The following DIP2B variants were observed in gnomAD, a reference collection of about 807,000 sequenced individuals.
The protein encoded by DIP2B is DIP2 acetate--CoA ligase B (putative).
A neutral mutation model predicts 198.0 loss-of-function variants in DIP2B; 76 were observed. That is an observed-to-expected ratio of 0.38 (90% CI 0.32 to 0.46). The LOEUF (loss-of-function observed/expected upper bound fraction) is 0.46, where lower values mean the gene tolerates loss of function less well. Among genes scored for constraint, DIP2B ranks in the 20% least tolerant of loss-of-function variants. The pLI is 0.99. For synonymous variants in DIP2B, 701 were observed against 739.1 expected, an observed-to-expected ratio of 0.95 and a Z score of 0.84; for missense variants, 1,559 against 1,978.4, an observed-to-expected ratio of 0.79 and a Z score of 4.02.
intron 1 of DIP2B, among the ~76,000 whole-genome samples, chr12:50,544,896 C>T (rs1036047993): frequency 2.0e-5 from 3 of 152,102 alleles, no homozygotes; most frequent in East Asian, 3.9e-4. Flanking sequence ...GGATTACAGG[C>T]GTGAGCCACC....
chr12:50,536,519 G>A (rs1958268840), intron 1 of DIP2B, among the ~76,000 whole-genome samples: 1 of 151,702 alleles, frequency 6.6e-6, no homozygotes, highest in Non-Finnish European at 1.5e-5. Flanking sequence ...TCAGTCAAAA[G>A]TTACATGTTG....
intron 1 of DIP2B, among the ~76,000 whole-genome samples, chr12:50,565,849 C>T (rs1958559027): frequency 6.6e-6 from 1 of 152,028 alleles, no homozygotes; most frequent in Non-Finnish European, 1.5e-5. Context: ...TTGATTTACC[C>T]CTTTGGGGTC....
intron 3 of DIP2B, among the ~76,000 whole-genome samples, chr12:50,653,767 G>C (rs1022091601): frequency 1.3e-5 from 2 of 150,664 alleles, no homozygotes; most frequent in African/African-American, 4.9e-5. Flanking sequence ...TGTCAATTTT[G>C]TTGATCTTTT....
At chr12:50,693,075 G>C in intron 14 of DIP2B, 62 bp downstream of exon 14, 1 of 1,467,192 alleles carries the variant, frequency 6.8e-7, no homozygotes, top group South Asian at 1.2e-5. Flanking sequence ...CCAGCATGTT[G>C]TATAACTGGA....
chr12:50,535,510 G>A (rs1253686664), intron 1 of DIP2B, among the ~76,000 whole-genome samples: 1 of 151,670 alleles, frequency 6.6e-6, no homozygotes, highest in African/African-American at 2.4e-5. Flanking sequence ...GGCATCACAG[G>A]CGCCCACCAC....
At chr12:50,704,050 T>C (rs1187670998) in intron 19 of DIP2B, 90 bp from the exon 20 acceptor site, 6 of 1,066,744 alleles carry the variant, frequency 5.6e-6, no homozygotes, top group African/African-American at 3.2e-5. Context: ...ATTTTTTCAC[T>C]GAGCATGTAT....
At chr12:50,553,341 A>G (rs1262023821) in intron 1 of DIP2B, among the ~76,000 whole-genome samples, 2 of 152,188 alleles carry the variant, frequency 1.3e-5, no homozygotes, top group Non-Finnish European at 2.9e-5. Flanking sequence ...TTGAAGTACC[A>G]TGAACGACAG....
intron 1 of DIP2B, among the ~76,000 whole-genome samples, chr12:50,576,624 G>A (rs1378711920): frequency 4.0e-5 from 6 of 150,298 alleles, no homozygotes; most frequent in African/African-American, 9.8e-5. Flanking sequence ...GACTACAGGC[G>A]CCCGTCACCA....
At chr12:50,622,523 C>G (rs1301465768) in intron 1 of DIP2B, among the ~76,000 whole-genome samples, 1 of 152,204 alleles carries the variant, frequency 6.6e-6, no homozygotes, top group Admixed American at 6.5e-5. Flanking sequence ...CAAGCCATAA[C>G]TAACCACTGT....
Position 50,714,542 on chromosome 12 carries a change from A to G in DIP2B, c.2797A>G (p.Met933Val), listed in dbSNP as rs1411884354. 2 of 1,614,054 alleles carry G rather than the reference A, an allele frequency of 1.2e-6. No individual in the cohort carries two copies. The highest frequency in any genetic ancestry group is 1.7e-5 in the Admixed American group (1 of 59,992). Residue 933 changes from methionine (M) to valine (V), a missense_variant, in exon 23 of 38, where the codon ATG becomes GTG. Met to Val is a conservative substitution (Grantham distance 21). Coordinates refer to ENST00000301180, the MANE Select transcript of DIP2B (RefSeq NM_173602.3). ...EGSLHPCNIL[M>V]CPHTCVTNLP... ...ATCACTGCATCCTTGCAACATCCTC[A>G]TGTGCCCCCATACATGTGTGACAAA...
chr12:50,625,877 T>G, intron 1 of DIP2B, 99 bp from the exon 2 acceptor site: 13 of 1,214,948 alleles, frequency 1.1e-5, no homozygotes, highest in East Asian at 2.6e-5. Flanking sequence ...TGCCTCTATA[T>G]GGGGTAGTTC....
intron 1 of DIP2B, among the ~76,000 whole-genome samples, chr12:50,597,441 C>G (rs1013457422): frequency 2.0e-5 from 3 of 152,172 alleles, no homozygotes; most frequent in Non-Finnish European, 2.9e-5. Flanking sequence ...AGCTATCTCA[C>G]TTTTTTGATT....
intron 3 of DIP2B, among the ~76,000 whole-genome samples, chr12:50,647,708 G>T (rs1346848002): frequency 6.6e-6 from 1 of 152,164 alleles, no homozygotes; most frequent in Non-Finnish European, 1.5e-5. Flanking sequence ...GTCTGTCTAT[G>T]GAAAAATCCT....
At position 50,704,165 on chromosome 12, in the gene DIP2B, C is replaced by G; in HGVS notation, c.2351C>G (p.Ser784Cys). ...GTAATTCCAGTGAATTCTGCAGGCT[C>G]TCCTGTTGGGGATGTGCCATTCATC... is the stretch of plus-strand genomic sequence containing the variant. The part of the protein sequence containing the change: ...FEVIPVNSAG[S>C]PVGDVPFIRS... The change falls in exon 20 of 38, where the codon TCT (serine) becomes TGT (cysteine). Residue 784 changes from serine to cysteine, a missense_variant. Coordinates refer to ENST00000301180, the MANE Select transcript of DIP2B (RefSeq NM_173602.3). 2 of 1,611,024 alleles carry G rather than the reference C, an allele frequency of 1.2e-6. No individual in the cohort carries two copies. Among genetic ancestry groups the G allele is most frequent in the Non-Finnish European group, 1.7e-6 (2 of 1,179,522 alleles).
At chr12:50,736,962 A>C (rs1940149140) in intron 34 of DIP2B, 74 bp from the exon 35 acceptor site, 1 of 1,455,666 alleles carries the variant, frequency 6.9e-7, no homozygotes, top group Admixed American at 1.7e-5. Flanking sequence ...TCCAGCAGGT[A>C]ACTAACCGTG....
At chr12:50,644,502 A>G (rs973867226) in intron 3 of DIP2B, among the ~76,000 whole-genome samples, 3 of 152,200 alleles carry the variant, frequency 2.0e-5, no homozygotes, top group Non-Finnish European at 4.4e-5. Flanking sequence ...AGATGTCCAA[A>G]GTCACTTGTG....
chr12:50,636,357 C>A (rs1938159758), intron 2 of DIP2B, among the ~76,000 whole-genome samples: 1 of 152,144 alleles, frequency 6.6e-6, no homozygotes, highest in Admixed American at 6.5e-5. Context: ...AACATAGAAT[C>A]TTTTTTCCAA....
intron 1 of DIP2B, among the ~76,000 whole-genome samples, chr12:50,526,054 T>A (rs1362609339): frequency 1.3e-5 from 2 of 152,212 alleles, no homozygotes; most frequent in Non-Finnish European, 2.9e-5. Context: ...CTCAGTAAAA[T>A]GTTTGTTTTT....
intron 1 of DIP2B, among the ~76,000 whole-genome samples, chr12:50,580,655 G>T (rs949982820): frequency 2.1e-5 from 3 of 144,156 alleles, no homozygotes; most frequent in Non-Finnish European, 4.5e-5. Flanking sequence ...CAGTTCAGTT[G>T]TTCTGAACTG....
Sources: allele counts gnomAD v4.1 joint callset (sites outside exome capture counted in the v4.1 genomes callset), GRCh38; gene constraint gnomAD v4.1.1; transcripts MANE v1.5; gene names NCBI Gene and HGNC (gene_info 2026-07-23, HGNC 2026-07-21).